Variants in UNC5C observed in about 807,000 individuals in gnomAD.
UNC5C encodes unc-5 netrin receptor C.
Under a neutral mutation model 99.8 loss-of-function variants are expected in UNC5C, and 47 were observed. The observed-to-expected ratio is 0.47, with a 90% confidence interval of 0.37 to 0.60. UNC5C has a LOEUF of 0.60. Among genes scored for constraint, UNC5C ranks in the 20% least tolerant of loss-of-function variants. The pLI is 0.00. For synonymous variants in UNC5C, 487 were observed against 452.2 expected, an observed-to-expected ratio of 1.08 and a Z score of -0.98; for missense variants, 1,062 against 1,165.9, an observed-to-expected ratio of 0.91 and a Z score of 1.30.
chr4:95,326,745 T>A (rs1299708693), intron 2 of UNC5C, among the ~76,000 whole-genome samples: 1 of 152,190 alleles, frequency 6.6e-6, no homozygotes, highest in African/African-American at 2.4e-5. Flanking sequence ...GTAGAAATAA[T>A]TATTTGCTTC....
intron 1 of UNC5C, among the ~76,000 whole-genome samples, chr4:95,470,925 T>C (rs914310538): frequency 1.1e-4 from 17 of 152,002 alleles, no homozygotes; most frequent in Non-Finnish European, 1.9e-4. Flanking sequence ...ACAAGATTAA[T>C]GGTACTGAAA....
intron 1 of UNC5C, among the ~76,000 whole-genome samples, chr4:95,501,769 G>T (rs1721781290): frequency 6.6e-6 from 1 of 152,084 alleles, no homozygotes; most frequent in South Asian, 2.1e-4. Flanking sequence ...TCAGGATTCA[G>T]TTTTGAGGGA....
chr4:95,506,321 C>T (rs774775983), intron 1 of UNC5C, among the ~76,000 whole-genome samples: 2 of 152,010 alleles, frequency 1.3e-5, no homozygotes, highest in African/African-American at 2.4e-5. Flanking sequence ...ATGTTGCTTT[C>T]TTATCTGCCT....
At chr4:95,283,643 T>C (rs1741137205) in intron 3 of UNC5C, among the ~76,000 whole-genome samples, 1 of 152,136 alleles carries the variant, frequency 6.6e-6, no homozygotes, top group African/African-American at 2.4e-5. Flanking sequence ...TGAATAAGAA[T>C]GAAAAACGAA....
intron 4 of UNC5C, among the ~76,000 whole-genome samples, chr4:95,271,331 C>G (rs1740656411): frequency 6.6e-6 from 1 of 152,064 alleles, no homozygotes; most frequent in South Asian, 2.1e-4. Flanking sequence ...GGGTTCACGC[C>G]ATTCTCCTGC....
intron 1 of UNC5C, among the ~76,000 whole-genome samples, chr4:95,395,851 T>C (rs1022751478): frequency 1.3e-5 from 2 of 152,172 alleles, no homozygotes; most frequent in African/African-American, 4.8e-5. Context: ...AGACCAAGCA[T>C]GGGGCCCTTC....
Position 95,244,987 on chromosome 4 carries a change from C to A in UNC5C, c.933G>T (p.Thr311=). 1 of 1,613,900 alleles carries A rather than the reference C, an allele frequency of 6.2e-7. No homozygotes were observed. Among genetic ancestry groups the A allele is most frequent in the Non-Finnish European group, 8.5e-7 (1 of 1,179,942 alleles). Residue 311 remains threonine, a synonymous_variant, in exon 6 of 16, where the codon ACG becomes ACT. Coordinates refer to ENST00000453304, the MANE Select transcript of UNC5C (RefSeq NM_003728.4). The part of the protein sequence containing the change: ...GQSVQKIACT[T]LCPVDGRWTP... ...GACTGGTTTATTTACCTGGGCATAA[C>A]GTAGTACAGGCTATTTTCTGCACAC...
intron 2 of UNC5C, among the ~76,000 whole-genome samples, chr4:95,318,792 C>T (rs1742571715): frequency 6.6e-6 from 1 of 152,204 alleles, no homozygotes; most frequent in Non-Finnish European, 1.5e-5. Flanking sequence ...CAGAAGGCTG[C>T]TATCCTTCTG....
chr4:95,250,068 G>A (rs967081989), intron 5 of UNC5C, among the ~76,000 whole-genome samples: 1 of 152,132 alleles, frequency 6.6e-6, no homozygotes, highest in Non-Finnish European at 1.5e-5. Flanking sequence ...TATAGAAGCA[G>A]CAGGCACTCA....
chr4:95,429,726 T>C (rs1347083328), intron 1 of UNC5C, among the ~76,000 whole-genome samples: 2 of 152,100 alleles, frequency 1.3e-5, no homozygotes, highest in African/African-American at 4.8e-5. Context: ...CATATATTCT[T>C]GTCATTCCTG....
chr4:95,537,190 G>A (rs545575050), intron 1 of UNC5C, among the ~76,000 whole-genome samples: 1 of 152,160 alleles, frequency 6.6e-6, no homozygotes, highest in East Asian at 1.9e-4. Context: ...AAGATGTGAT[G>A]CCTCTGGTTA....
intron 12 of UNC5C, among the ~76,000 whole-genome samples, chr4:95,197,033 A>T (rs1197877542): frequency 1.1e-3 from 91 of 80,530 alleles, no homozygotes; most frequent in South Asian, 4.3e-3. Flanking sequence ...ATATATATTT[A>T]TATATTATAT....
chr4:95,376,689 T>A (rs1744904317), intron 1 of UNC5C, among the ~76,000 whole-genome samples: 1 of 152,204 alleles, frequency 6.6e-6, no homozygotes, highest in Non-Finnish European at 1.5e-5. Context: ...TACTTTGAAA[T>A]AAGAATAGGC....
chr4:95,397,745 T>G (rs1157526967), intron 1 of UNC5C, among the ~76,000 whole-genome samples: 1 of 152,146 alleles, frequency 6.6e-6, no homozygotes, highest in African/African-American at 2.4e-5. Flanking sequence ...ACTGAAAAAA[T>G]AGCATCTAAG....
chr4:95,279,146 G>A (rs1183034553), intron 3 of UNC5C, among the ~76,000 whole-genome samples: 1 of 152,094 alleles, frequency 6.6e-6, no homozygotes, highest in African/African-American at 2.4e-5. Flanking sequence ...ATTTCAAAGT[G>A]GAAAACAGAA....
At chr4:95,480,680 C>T (rs1578186468) in intron 1 of UNC5C, among the ~76,000 whole-genome samples, 3 of 151,980 alleles carry the variant, frequency 2.0e-5, no homozygotes, top group Admixed American at 1.3e-4. Context: ...GGGCTTCATC[C>T]CTGGGATGCA....
In UNC5C at chr4:95,354,479, A is replaced by ATATATATATATTTTTTT; in HGVS notation, c.125-18849_125-18848insAAAAAAATATATATATA. Among the ~76,000 whole-genome samples the ATATATATATATTTTTTT allele has an allele frequency of 3.4e-4, 38 of 110,338 alleles. 1 individual carries two copies. Among genetic ancestry groups the ATATATATATATTTTTTT allele is most frequent in the South Asian group, 8.8e-4 (3 of 3,410 alleles). The allele number at this position is 110,338 out of a possible 152,430, so 72.4% of individuals were successfully genotyped here. On this transcript the variant is annotated intron_variant, in intron 1 of 15. Transcript: ENST00000453304. ...TTACCTAACTCTTCCATATATATAT[A>ATATATATATATTTTTTT]TTTTTTTTTTTTTTTTAAGAGACAG...
Position 95,469,627 on chromosome 4 carries a change from T to C in UNC5C, c.124+79107A>G, listed in dbSNP as rs565486111. Among the ~76,000 whole-genome samples the C allele has an allele frequency of 6.3e-4, 96 of 152,250 alleles. 1 individual carries two copies. The South Asian group carries it at 0.016, about 26-fold the overall frequency. Reference sequence around the variant, plus strand: ...ACTGTATTCATTTATCTTGAAATGATGGGAAATTGCAGCTGCAGGCCTCAA... The same window carrying C: ...ACTGTATTCATTTATCTTGAAATGACGGGAAATTGCAGCTGCAGGCCTCAA... On this transcript the variant is annotated intron_variant, in intron 1 of 15. Transcript: ENST00000453304.
intron 1 of UNC5C, among the ~76,000 whole-genome samples, chr4:95,456,785 G>A (rs1206894128): frequency 2.6e-5 from 4 of 152,080 alleles, no homozygotes; most frequent in Non-Finnish European, 4.4e-5. Flanking sequence ...ATTCATTGAT[G>A]AGACTTATAC....
Sources: gnomAD v4.1 joint callset for allele counts (sites outside exome capture counted in the v4.1 genomes callset) on GRCh38, gnomAD v4.1.1 for gene constraint, MANE v1.5 for transcripts, NCBI Gene and HGNC (gene_info 2026-07-23, HGNC 2026-07-21) for gene names.